The following CDC7 variants were observed in gnomAD, a reference collection of about 807,000 sequenced individuals.
CDC7 encodes cell division cycle 7-related protein kinase.
In CDC7, 34 loss-of-function variants were observed where a neutral mutation model predicts 53.5. The observed-to-expected ratio is 0.64, with a 90% CI of 0.48 to 0.85. CDC7 has a LOEUF of 0.85. Ranked by LOEUF, CDC7 falls within the 40% of genes least tolerant of loss-of-function variation. CDC7 has a pLI of 0.00. For missense variants in CDC7, 594 were observed against 679.7 expected (o/e 0.87, Z 1.40); for synonymous variants, 211 against 222.8 (o/e 0.95, Z 0.47).
Position 91,501,682 on chromosome 1 carries a change from C to T in CDC7, c.-35C>T. On this transcript the variant is annotated 5_prime_UTR_variant, in exon 2 of 12. Transcript: ENST00000234626. ...CTTTGCTCCCCCTGTGGATGTAACC[C>T]CTTAGCTGGCATTTTGCATCTCAAT... 1 of 1,479,352 alleles carries T rather than the reference C, an allele frequency of 6.8e-7. No homozygotes were observed. Among genetic ancestry groups the T allele is most frequent in the Non-Finnish European group, 9.5e-7 (1 of 1,058,138 alleles). 91.6% of individuals were successfully genotyped at this position (1,479,352 alleles called of 1,614,324 possible).
chr1:91,510,198 A>G (rs1296574679), intron 4 of CDC7, among the ~76,000 whole-genome samples: 3 of 151,486 alleles, frequency 2.0e-5, no homozygotes, highest in African/African-American at 7.3e-5. Context: ...CAGCCTGGTC[A>G]ACAAAACAAG....
Position 91,524,108 on chromosome 1 carries a change from G to A in CDC7, c.1398G>A (p.Arg466=). ...QDLRKLCERL[R]GMDSSTPKLT... ...TGAGAAAACTCTGTGAGAGACTCAG[G>A]GGTATGGATTCTAGCACTCCCAAGT... The change falls in exon 12 of 12, where the codon AGG becomes AGA. Residue 466 remains arginine, a synonymous_variant. Transcript: ENST00000234626. 1 of 1,613,742 alleles carries A rather than the reference G, an allele frequency of 6.2e-7. No individual in the cohort carries two copies. The highest frequency in any genetic ancestry group is 1.1e-5 in the South Asian group (1 of 91,060).
rs192213079 is a variant in CDC7 at position 91,513,441 on chromosome 1, A to C, written c.822+134A>C. 6.9e-4 allele frequency: 434 copies of C among 628,632 alleles called. 3 individuals carry two copies. The East Asian group carries it at 0.01, about 15-fold the overall frequency. The allele number at this position is 628,632 out of a possible 1,614,324, so 38.9% of individuals were successfully genotyped here. On this transcript the variant is annotated intron_variant, in intron 7 of 11. Transcript: ENST00000234626. ...TTTTTTGCATTTGTTATATGTATTCATTTGATTAAATTTTCACTAAGATTT... is the reference window on the plus strand; with the variant it reads ...TTTTTTGCATTTGTTATATGTATTCCTTTGATTAAATTTTCACTAAGATTT...
chr1:91,503,641 T>C (rs1193128579), intron 2 of CDC7, among the ~76,000 whole-genome samples: 3 of 152,198 alleles, frequency 2.0e-5, no homozygotes, highest in Non-Finnish European at 4.4e-5. Context: ...GTCTCTTTAT[T>C]TTGAGATATT....
Position 91,521,453 on chromosome 1 carries a change from T to C in CDC7, c.1330+1174T>C, listed in dbSNP as rs1182739007. ...ATCTTAATAGAGGCTTGCCAAAATA[T>C]GTTTCTACAGTAAAGTCAGTCCACG... On this transcript the variant is annotated intron_variant, in intron 11 of 11. Transcript: ENST00000234626. 2.0e-5 allele frequency among the ~76,000 whole-genome samples: 3 copies of C among 152,226 alleles called. No individual in the cohort carries two copies. The East Asian group carries it at 5.8e-4, about 29-fold the overall frequency.
chr1:91,516,596 G>A (rs1198313992), intron 10 of CDC7, among the ~76,000 whole-genome samples: 1 of 152,140 alleles, frequency 6.6e-6, no homozygotes, highest in Non-Finnish European at 1.5e-5. Flanking sequence ...AACCTGTTGA[G>A]TATGGTAATA....
At chr1:91,505,780 A>T (rs995065487) in intron 2 of CDC7, among the ~76,000 whole-genome samples, 3 of 152,180 alleles carry the variant, frequency 2.0e-5, no homozygotes, top group Admixed American at 6.5e-5. Flanking sequence ...GTTGTTTAAA[A>T]TTGTTGAAGT....
intron 3 of CDC7, 116 bp downstream of exon 3, chr1:91,508,053 C>T: frequency 1.1e-6 from 1 of 884,720 alleles, no homozygotes; most frequent in East Asian, 2.6e-5. Flanking sequence ...ACTTTTTAGA[C>T]TATTAAGACC....
intron 9 of CDC7, among the ~76,000 whole-genome samples, chr1:91,515,404 G>C (rs1001044228): frequency 3.3e-5 from 5 of 151,900 alleles, no homozygotes; most frequent in Non-Finnish European, 7.4e-5. Flanking sequence ...TTCCTTCAAG[G>C]CTTGGCTTTC....
In CDC7 at chr1:91,511,865, G is replaced by A; in HGVS notation, c.514G>A (p.Gly172Ser). ...FKALKRIHQFGIVHRDVKPSN... is the reference protein window; with the variant it reads ...FKALKRIHQFSIVHRDVKPSN... ...AGCTTTGAAACGCATTCATCAGTTT[G>A]GTATTGTTCACCGTGATGTTAAGCC... Residue 172 changes from glycine to serine, a missense_variant, in exon 6 of 12, where the codon GGT (glycine) becomes AGT (serine). Transcript: ENST00000234626. 1.9e-6 allele frequency: 3 copies of A among 1,602,012 alleles called. No homozygotes were observed. The highest frequency in any genetic ancestry group is 1.7e-6 in the Non-Finnish European group (2 of 1,170,924).
chr1:91,515,359 C>T (rs535270763), intron 9 of CDC7, among the ~76,000 whole-genome samples: 2 of 152,112 alleles, frequency 1.3e-5, no homozygotes, highest in East Asian at 1.9e-4. Context: ...TCTTTTACTC[C>T]CACCTCCAAC....
rs1433787635 is a variant in CDC7, at chr1:91,520,260, C to G, written c.1311C>G (p.Ile437Met). 1 of 1,600,244 alleles carries G rather than the reference C, an allele frequency of 6.2e-7. No homozygotes were observed. The highest frequency in any genetic ancestry group is 1.1e-5 in the South Asian group (1 of 87,778). ...IMTIRGSRET[I>M]QAAKTFGKSI... is the part of the protein sequence containing the mutation. ...CAATTAGGGGATCCAGAGAAACTAT[C>G]CAAGCTGCTAAAACTTTTGGTAAGC... Residue 437 changes from isoleucine (I) to methionine (M), a missense_variant, in exon 11 of 12, where the codon ATC (isoleucine) becomes ATG (methionine). By Grantham distance (10) the Ile-to-Met change is conservative (BLOSUM62 1). Coordinates refer to ENST00000234626, the MANE Select transcript of CDC7 (RefSeq NM_003503.4).
At position 91,522,105 on chromosome 1, in the gene CDC7, C is replaced by T. The variant is rs186878515; in HGVS notation, c.1330+1826C>T. 9.2e-5 allele frequency among the ~76,000 whole-genome samples: 14 copies of T among 152,206 alleles called. No homozygotes were observed. The East Asian group carries it at 1.9e-3, about 21-fold the overall frequency. On this transcript the variant is annotated intron_variant, in intron 11 of 11. Transcript: ENST00000234626. ...AGCTGAACCTGGGAGATGGAGGTTG[C>T]AGTGAGCCAAGATTGCACCACTGCA...
Position 91,513,164 on chromosome 1 carries a change from A to G in CDC7, c.679A>G (p.Lys227Glu), listed in dbSNP as rs760351639. 4 of 1,613,842 alleles carry G rather than the reference A, an allele frequency of 2.5e-6. No individual in the cohort carries two copies. Among genetic ancestry groups the G allele is most frequent in the Non-Finnish European group, 2.5e-6 (3 of 1,179,834 alleles). The change falls in exon 7 of 12, where the codon AAA (lysine) becomes GAA (glutamate). Residue 227 changes from lysine (K) to glutamate (E), a missense_variant. Coordinates refer to ENST00000234626, the MANE Select transcript of CDC7 (RefSeq NM_003503.4). Reference sequence around the variant, plus strand: ...TCAGCAGGAAAGGTGTTCACAAAACAAATCCCACATAATCACAGGAAACAA... The same window carrying G: ...TCAGCAGGAAAGGTGTTCACAAAACGAATCCCACATAATCACAGGAAACAA... Reference protein sequence around the residue: ...EAQQERCSQNKSHIITGNKIP... With the variant: ...EAQQERCSQNESHIITGNKIP...
At chr1:91,522,785 G>A (rs1376322432) in intron 11 of CDC7, among the ~76,000 whole-genome samples, 2 of 152,280 alleles carry the variant, frequency 1.3e-5, no homozygotes, top group East Asian at 3.9e-4. Flanking sequence ...TTCAGTAATT[G>A]TTTGTTTCCT....
intron 2 of CDC7, among the ~76,000 whole-genome samples, chr1:91,504,237 C>T (rs1666861987): frequency 6.6e-6 from 1 of 151,892 alleles, no homozygotes; most frequent in Admixed American, 6.6e-5. Flanking sequence ...TCCTGAGTAG[C>T]TTGGATTACA....
chr1:91,524,121 A>T lies in CDC7; in HGVS notation c.1411A>T (p.Ser471Cys), dbSNP rs1299822057. 1 of 1,613,822 alleles carries T rather than the reference A, an allele frequency of 6.2e-7. No homozygotes were observed. The highest frequency in any genetic ancestry group is 8.5e-7 in the Non-Finnish European group (1 of 1,179,864). Residue 471 changes from serine (S) to cysteine (C), a missense_variant, in exon 12 of 12, where the codon AGC (serine) becomes TGC (cysteine). Transcript: ENST00000234626. The stretch of plus-strand genomic sequence containing the variant: ...TGAGAGACTCAGGGGTATGGATTCT[A>T]GCACTCCCAAGTTAACAAGTGATAT... ...LCERLRGMDS[S>C]TPKLTSDIQG...
At chr1:91,505,238 G>T (rs1666924468) in intron 2 of CDC7, among the ~76,000 whole-genome samples, 1 of 152,162 alleles carries the variant, frequency 6.6e-6, no homozygotes, top group Admixed American at 6.5e-5. Context: ...TTCAAGAATA[G>T]CAAGGAGGTC....
Position 91,513,951 on chromosome 1 carries a change from G to T in CDC7, c.826G>T (p.Gly276Ter). The stretch of plus-strand genomic sequence containing the variant: ...CTTGTTTTTGTTGGTATTGTAGGAG[G>T]GATCTGTAGGCCTTTCTGTCCAGCG... ...QIKQGKDGKE[G>*]SVGLSVQRSV... The change falls in exon 8 of 12, where the codon GGA becomes TGA. Residue 276 changes from glycine to a stop codon, truncating the protein, a stop_gained. Transcript: ENST00000234626. LOFTEE classifies it high-confidence loss of function. 1 of 1,606,550 alleles carries T rather than the reference G, an allele frequency of 6.2e-7. No individual in the cohort carries two copies. The highest frequency in any genetic ancestry group is 8.5e-7 in the Non-Finnish European group (1 of 1,173,504).
Sources: allele counts gnomAD v4.1 joint callset (sites outside exome capture counted in the v4.1 genomes callset), GRCh38; gene constraint gnomAD v4.1.1; transcripts MANE v1.5; gene names NCBI Gene and HGNC (gene_info 2026-07-23, HGNC 2026-07-21).